WRN: variants seen among roughly 807,000 people sequenced by gnomAD.
WRN encodes WRN RecQ like helicase.
Under a neutral mutation model 180.7 loss-of-function variants are expected in WRN, and 149 were observed. That is an observed-to-expected ratio of 0.82 (90% CI 0.72 to 0.94). The LOEUF (loss-of-function observed/expected upper bound fraction) is 0.94, where lower values mean the gene tolerates loss of function less well. Ranked by LOEUF, WRN falls within the 40% of genes least tolerant of loss-of-function variation. The pLI is 0.00. For missense variants in WRN, 1,661 were observed against 1,700.1 expected (o/e 0.98, Z 0.40); for synonymous variants, 548 against 568.9 (o/e 0.96, Z 0.52).
At chr8:31,062,969 T>A (rs1812549961) in intron 3 of WRN, among the ~76,000 whole-genome samples, 1 of 152,142 alleles carries the variant, frequency 6.6e-6, no homozygotes, top group Admixed American at 6.5e-5. Flanking sequence ...TAGCTACAAC[T>A]ACTGGTGTGT....
chr8:31,044,207 A>T lies in WRN; in HGVS notation c.-77+10234A>T, dbSNP rs575001138. Among the ~76,000 whole-genome samples, 3 of 151,616 alleles carry T rather than the reference A, an allele frequency of 2.0e-5. No homozygotes were observed. The East Asian group carries it at 5.9e-4, about 30-fold the overall frequency. On this transcript the variant is annotated intron_variant, in intron 1 of 34. Coordinates refer to ENST00000298139, the MANE Select transcript of WRN (RefSeq NM_000553.6). ...CAGGTGCACGCCGCCACACCCGGCTAATTTTTTGTGTTTTTAGTAGAGACG... is the reference window on the plus strand; with the variant it reads ...CAGGTGCACGCCGCCACACCCGGCTTATTTTTTGTGTTTTTAGTAGAGACG...
intron 16 of WRN, among the ~76,000 whole-genome samples, chr8:31,094,393 T>A (rs1813876587): frequency 1.3e-5 from 2 of 151,536 alleles, no homozygotes. Flanking sequence ...TCTCCCGGGC[T>A]GGAGTGCACT....
chr8:31,126,032 G>A (rs894330835), intron 23 of WRN, among the ~76,000 whole-genome samples: 3 of 150,158 alleles, frequency 2.0e-5, no homozygotes, highest in Non-Finnish European at 4.4e-5. Flanking sequence ...GAACTGAAAG[G>A]AGAAATAGAG....
chr8:31,127,678 G>A (rs993933326), intron 23 of WRN, among the ~76,000 whole-genome samples: 2 of 152,150 alleles, frequency 1.3e-5, no homozygotes, highest in Non-Finnish European at 2.9e-5. Context: ...TTGGGAGGCT[G>A]AGGTGGGAGG....
intron 23 of WRN, among the ~76,000 whole-genome samples, chr8:31,125,870 C>T (rs1801910785): frequency 6.6e-6 from 1 of 151,056 alleles, no homozygotes; most frequent in African/African-American, 2.4e-5. Flanking sequence ...AAATATTTTA[C>T]AGCAACATCT....
At chr8:31,168,696 T>A (rs894397909) in intron 34 of WRN, among the ~76,000 whole-genome samples, 1 of 152,196 alleles carries the variant, frequency 6.6e-6, no homozygotes, top group Non-Finnish European at 1.5e-5. Context: ...AAAAGCTGAT[T>A]TCTGTAGAGT....
At chr8:31,086,156 T>A (rs1813521897) in intron 11 of WRN, among the ~76,000 whole-genome samples, 1 of 151,792 alleles carries the variant, frequency 6.6e-6, no homozygotes. Context: ...ACACAGAAGT[T>A]CCCCATTATG....
At chr8:31,157,055 A>G (rs1563386977) in intron 32 of WRN, among the ~76,000 whole-genome samples, 1 of 152,240 alleles carries the variant, frequency 6.6e-6, no homozygotes, top group Non-Finnish European at 1.5e-5. Context: ...TATTAGACTT[A>G]CAGAGAATGA....
chr8:31,132,269 T>G, intron 23 of WRN, 96 bp from the exon 24 acceptor site: 2 of 1,454,630 alleles, frequency 1.4e-6, no homozygotes, highest in Non-Finnish European at 1.8e-6. Flanking sequence ...ACATTTGAGA[T>G]ATTTTTTACT....
At chr8:31,044,113 C>T (rs1431546586) in intron 1 of WRN, among the ~76,000 whole-genome samples, 1 of 151,816 alleles carries the variant, frequency 6.6e-6, no homozygotes, top group East Asian at 1.9e-4. Context: ...ACAATCTCGG[C>T]TCACTGCAAG....
At chr8:31,143,970 A>G (rs1802762791) in intron 28 of WRN, among the ~76,000 whole-genome samples, 1 of 152,212 alleles carries the variant, frequency 6.6e-6, no homozygotes, top group South Asian at 2.1e-4. Flanking sequence ...CTTGTTCAAG[A>G]GCATACAGCT....
At chr8:31,052,519 C>G (rs984412902) in intron 1 of WRN, among the ~76,000 whole-genome samples, 21 of 152,136 alleles carry the variant, frequency 1.4e-4, no homozygotes, top group African/African-American at 4.8e-4. Flanking sequence ...TCTTGAGTAA[C>G]TGGGATTACA....
intron 18 of WRN, among the ~76,000 whole-genome samples, chr8:31,105,066 GCTTATC>G (rs1476528560): frequency 6.7e-6 from 1 of 149,216 alleles, no homozygotes; most frequent in East Asian, 2.0e-4. Context: ...TCTTTTGTTA[GCTTATC>G]TCACAGAGTT....
In WRN at chr8:31,119,915, C is replaced by A; in HGVS notation, c.2449-328C>A. 4 of 299,162 alleles carry A rather than the reference C, an allele frequency of 1.3e-5. No homozygotes were observed. The South Asian group carries it at 1.4e-4, about 10-fold the overall frequency. 18.5% of individuals were successfully genotyped at this position (299,162 alleles called of 1,614,324 possible). On this transcript the variant is annotated intron_variant, in intron 20 of 34. Transcript: ENST00000298139. Reference sequence around the variant, plus strand: ...AAAATACTCTGCAATCAGGTAAGGACGCTTGAAACTTCATTATAATGCAAA... The same window carrying A: ...AAAATACTCTGCAATCAGGTAAGGAAGCTTGAAACTTCATTATAATGCAAA...
chr8:31,084,727 A>T (rs1813456302), intron 10 of WRN, among the ~76,000 whole-genome samples: 1 of 152,212 alleles, frequency 6.6e-6, no homozygotes, highest in African/African-American at 2.4e-5. Flanking sequence ...GATTTATTTA[A>T]AGATATTACA....
intron 31 of WRN, 107 bp downstream of exon 31, chr8:31,150,562 T>A: frequency 2.3e-6 from 2 of 874,888 alleles, no homozygotes; most frequent in South Asian, 1.4e-5. Context: ...TGCATTTCCA[T>A]ACTGGACACT....
chr8:31,047,287 T>C (rs1386896089), intron 1 of WRN, among the ~76,000 whole-genome samples: 1 of 152,024 alleles, frequency 6.6e-6, no homozygotes, highest in Non-Finnish European at 1.5e-5. Flanking sequence ...GGACTACAGA[T>C]GTGTGCCATC....
At chr8:31,104,323 G>A (rs573824007) in intron 18 of WRN, among the ~76,000 whole-genome samples, 53 of 152,106 alleles carry the variant, frequency 3.5e-4, no homozygotes, top group Non-Finnish European at 5.6e-4. Flanking sequence ...GATGGTGAAC[G>A]TCTTTTCATA....
Position 31,068,237 on chromosome 8 carries a change from AAT to A in WRN, c.655-20_655-19del, listed in dbSNP as rs1376973171. The A allele has an allele frequency of 6.4e-7, 1 of 1,567,348 alleles. No homozygotes were observed. The highest frequency in any genetic ancestry group is 1.4e-5 in the African/African-American group (1 of 73,952). ...TCGGTGATCTTTAGCATACTTTTTA[AAT>A]TTTTCTGTTTTTTTATAGGCTGGTT... On this transcript the variant is annotated intron_variant, in intron 6 of 34. Transcript: ENST00000298139.
Sources: allele counts gnomAD v4.1 joint callset (sites outside exome capture counted in the v4.1 genomes callset), GRCh38; gene constraint gnomAD v4.1.1; transcripts MANE v1.5; gene names NCBI Gene and HGNC (gene_info 2026-07-23, HGNC 2026-07-21).